Variants in MSH4 observed in about 807,000 individuals in gnomAD.
MSH4 encodes the protein mutS protein homolog 4.
MSH4 carries 106 observed loss-of-function variants against 113.7 expected under a neutral mutation model. That is an observed-to-expected ratio of 0.93 (90% CI 0.80 to 1.10). The LOEUF is 1.10. Among genes scored for constraint, MSH4 ranks in the 50% least tolerant of loss-of-function variants. The pLI, the probability that MSH4 is intolerant of heterozygous loss-of-function variation, is 0.00. For missense variants in MSH4, 1,061 were observed against 1,093.7 expected, an observed-to-expected ratio of 0.97 and a Z score of 0.42; for synonymous variants, 368 against 380.2, an observed-to-expected ratio of 0.97 and a Z score of 0.37.
intron 17 of MSH4, among the ~76,000 whole-genome samples, chr1:75,894,010 ACTTACCCAT>A (rs1487760864): frequency 6.6e-6 from 1 of 152,292 alleles, no homozygotes; most frequent in Non-Finnish European, 1.5e-5. Flanking sequence ...ATTTAAGATC[ACTTACCCAT>A]CCTGGAAGAG....
In MSH4 at chr1:75,890,715, A is replaced by G. The variant is rs760741129; in HGVS notation, c.2246A>G (p.Asn749Ser). The change falls in exon 17 of 20, where the codon AAT becomes AGT. Residue 749 changes from asparagine to serine, a missense_variant. Asn to Ser is a conservative substitution (Grantham distance 46, BLOSUM62 1). Transcript: ENST00000263187. ...TTTCAGATAGCATATATTCTACATA[A>G]TGCTAATGACAAATCGCTCATATTA... ...EMKEIAYILH[N>S]ANDKSLILID... The G allele has an allele frequency of 3.2e-6, 5 of 1,584,950 alleles. No individual in the cohort carries two copies. Among genetic ancestry groups the G allele is most frequent in the Non-Finnish European group, 4.3e-6 (5 of 1,158,918 alleles).
rs1055828051 is a variant in MSH4 at position 75,826,133 on chromosome 1, A to G, written c.1162+3552A>G. 2.6e-5 allele frequency among the ~76,000 whole-genome samples: 4 copies of G among 152,184 alleles called. No homozygotes were observed. The South Asian group carries it at 8.3e-4, about 32-fold the overall frequency. On this transcript the variant is annotated intron_variant, in intron 7 of 19. Transcript: ENST00000263187. ...TTGGTGGGCTATTAATTACTCCCTC[A>G]ATTTCAGAACTTGTTATTGGTCTAG...
At chr1:75,823,501 C>T (rs1270716227) in intron 7 of MSH4, among the ~76,000 whole-genome samples, 1 of 152,010 alleles carries the variant, frequency 6.6e-6, no homozygotes, top group African/African-American at 2.4e-5. Context: ...CTGAAATGTG[C>T]TGAACATGCA....
chr1:75,885,763 G>A (rs1341331742), intron 15 of MSH4, among the ~76,000 whole-genome samples: 1 of 97,360 alleles, frequency 1.0e-5, no homozygotes, highest in Non-Finnish European at 1.9e-5. Context: ...ATTATATATA[G>A]TATATATAAT....
intron 8 of MSH4, among the ~76,000 whole-genome samples, chr1:75,853,679 A>G (rs182597881): frequency 4.7e-4 from 71 of 152,032 alleles, no homozygotes; most frequent in African/African-American, 1.6e-3. Flanking sequence ...TTTATATTCA[A>G]TTGGTTATAG....
intron 7 of MSH4, among the ~76,000 whole-genome samples, chr1:75,831,334 A>G (rs1187160893): frequency 1.3e-5 from 2 of 152,160 alleles, no homozygotes; most frequent in Non-Finnish European, 2.9e-5. Flanking sequence ...CCACACAATA[A>G]TAGTCGGAGA....
At chr1:75,842,502 T>C (rs1385910615) in intron 7 of MSH4, among the ~76,000 whole-genome samples, 3 of 152,248 alleles carry the variant, frequency 2.0e-5, no homozygotes, top group African/African-American at 7.2e-5. Context: ...GATATGATTA[T>C]ATATGAATAT....
At chr1:75,839,213 C>CT (rs1378560328) in intron 7 of MSH4, among the ~76,000 whole-genome samples, 5 of 151,708 alleles carry the variant, frequency 3.3e-5, no homozygotes, top group Non-Finnish European at 7.4e-5. Context: ...TTTTCTATAT[C>CT]TTTTTCTTTT....
intron 7 of MSH4, among the ~76,000 whole-genome samples, chr1:75,847,010 T>A (rs1436558256): frequency 6.6e-6 from 1 of 152,174 alleles, no homozygotes; most frequent in Admixed American, 6.6e-5. Context: ...CAAAGTCAAG[T>A]GGCTCACATC....
chr1:75,840,875 G>A (rs1160351907), intron 7 of MSH4, among the ~76,000 whole-genome samples: 1 of 152,130 alleles, frequency 6.6e-6, no homozygotes, highest in African/African-American at 2.4e-5. Context: ...TGTGATACAT[G>A]CAATAACAAT....
intron 16 of MSH4, 102 bp downstream of exon 16, chr1:75,889,471 T>G (rs1025592850): frequency 1.9e-6 from 1 of 537,850 alleles, no homozygotes; most frequent in Non-Finnish European, 3.3e-6. Context: ...CAGATGTTGC[T>G]TATACCCTTT....
At chr1:75,880,314 C>T (rs371341608) in intron 13 of MSH4, among the ~76,000 whole-genome samples, 161 bp downstream of exon 13, 4 of 152,118 alleles carry the variant, frequency 2.6e-5, no homozygotes, top group East Asian at 1.9e-4. Context: ...CTGAGCCTCA[C>T]AGAAGCTTCG....
chr1:75,880,221 A>T, intron 13 of MSH4, 68 bp downstream of exon 13: 1 of 811,188 alleles, frequency 1.2e-6, no homozygotes, highest in Non-Finnish European at 2.0e-6. Flanking sequence ...TTACAATTGT[A>T]TTAGTTTAAT....
intron 7 of MSH4, among the ~76,000 whole-genome samples, chr1:75,840,957 A>G (rs547307682): frequency 2.5e-4 from 38 of 152,304 alleles, no homozygotes; most frequent in African/African-American, 8.4e-4. Context: ...TGCAGGAATA[A>G]TATTTCAGCT....
intron 8 of MSH4, among the ~76,000 whole-genome samples, chr1:75,857,071 C>A (rs1457623462): frequency 6.6e-6 from 1 of 152,124 alleles, no homozygotes; most frequent in Non-Finnish European, 1.5e-5. Context: ...TGTCTGTTGG[C>A]TGCATAAATG....
intron 1 of MSH4, among the ~76,000 whole-genome samples, chr1:75,799,996 T>C (rs1224355859): frequency 1.3e-5 from 2 of 152,112 alleles, no homozygotes; most frequent in Non-Finnish European, 2.9e-5. Context: ...AAGTTACCAG[T>C]ATGTTGGGAC....
chr1:75,831,194 G>T (rs1022820254), intron 7 of MSH4, among the ~76,000 whole-genome samples: 1 of 152,150 alleles, frequency 6.6e-6, no homozygotes, highest in African/African-American at 2.4e-5. Flanking sequence ...GACAAAGAAG[G>T]CCATTACATA....
At chr1:75,871,669 A>G (rs1261419710) in intron 9 of MSH4, among the ~76,000 whole-genome samples, 1 of 152,244 alleles carries the variant, frequency 6.6e-6, no homozygotes, top group Non-Finnish European at 1.5e-5. Flanking sequence ...CACATACTTT[A>G]CAAGGAATTG....
Position 75,912,794 on chromosome 1 carries a change from A to G in MSH4, c.2718A>G (p.Pro906=), listed in dbSNP as rs1456185584. Residue 906 remains proline (P), a synonymous_variant, in exon 20 of 20, where the codon CCA becomes CCG. Transcript: ENST00000263187. The part of the protein sequence containing the change: ...VQTARNSQLD[P]DSLRIYLSNL... ...CTGCTCGAAACTCTCAATTGGATCC[A>G]GACAGTTTACGAATATATTTAAGTA... 2 of 1,596,914 alleles carry G rather than the reference A, an allele frequency of 1.3e-6. No homozygotes were observed. The highest frequency in any genetic ancestry group is 1.7e-4 in the Middle Eastern group (1 of 6,020).
Sources: gnomAD v4.1 joint callset for allele counts (sites outside exome capture counted in the v4.1 genomes callset) on GRCh38, gnomAD v4.1.1 for gene constraint, MANE v1.5 for transcripts, NCBI Gene and HGNC (gene_info 2026-07-23, HGNC 2026-07-21) for gene names.